IRF2: variants seen among roughly 807,000 people sequenced by gnomAD.
IRF2 encodes the protein interferon regulatory factor 2.
IRF2 carries 15 observed loss-of-function variants against 40.6 expected under a neutral mutation model. The observed-to-expected ratio is 0.37, with a 90% CI of 0.25 to 0.57. IRF2 has a LOEUF of 0.57. IRF2 is among the 20% of genes least tolerant of loss of function. The pLI, the probability that IRF2 is intolerant of heterozygous loss-of-function variation, is 0.77. For missense variants in IRF2, 317 were observed against 455.7 expected (o/e 0.70, Z 2.77); for synonymous variants, 151 against 165.5 (o/e 0.91, Z 0.67).
intron 1 of IRF2, among the ~76,000 whole-genome samples, chr4:184,446,227 T>A (rs1441632974): frequency 6.6e-6 from 1 of 152,110 alleles, no homozygotes; most frequent in Non-Finnish European, 1.5e-5. Flanking sequence ...TGCTTCCCAG[T>A]TTGCGGTAAT....
chr4:184,435,146 G>C (rs1738031743), intron 1 of IRF2, among the ~76,000 whole-genome samples: 1 of 152,196 alleles, frequency 6.6e-6, no homozygotes, highest in African/African-American at 2.4e-5. Context: ...TTTATTACCT[G>C]CTAGTAAGTG....
rs759015052 is a variant in IRF2 at position 184,388,782 on chromosome 4, G to C, written c.1026C>G (p.Thr342=). 4 of 1,612,816 alleles carry C rather than the reference G, an allele frequency of 2.5e-6. No individual in the cohort carries two copies. Among genetic ancestry groups the C allele is most frequent in the Non-Finnish European group, 2.5e-6 (3 of 1,179,956 alleles). The change falls in exon 9 of 9, where the codon ACC becomes ACG. Residue 342 remains threonine (T), a synonymous_variant. Transcript: ENST00000393593. The surrounding 1 kb of genome is among the most constrained non-coding windows in gnomAD (Gnocchi z 4.6). ...ASVIKKTSDI[T]QARVKSC The stretch of plus-strand genomic sequence containing the variant: ...CTTAACAGCTCTTGACGCGGGCCTG[G>C]GTGATATCCGATGTTTTCTTGATGA...
intron 1 of IRF2, among the ~76,000 whole-genome samples, chr4:184,442,760 AG>A (rs1738359473): frequency 6.6e-6 from 1 of 151,812 alleles, no homozygotes; most frequent in Non-Finnish European, 1.5e-5. Flanking sequence ...AGGACCTCCA[AG>A]AAGTACAAAA....
chr4:184,436,582 T>C (rs140162009), intron 1 of IRF2, among the ~76,000 whole-genome samples: 260 of 152,298 alleles, frequency 1.7e-3, no homozygotes, highest in African/African-American at 5.7e-3. Flanking sequence ...AATGGGCATA[T>C]AAGAGAAAGC....
At chr4:184,442,901 T>G (rs988253375) in intron 1 of IRF2, among the ~76,000 whole-genome samples, 178 of 5,344 alleles carry the variant, frequency 0.033, no homozygotes, top group Middle Eastern at 0.17. Context: ...GGGGTGGGGG[T>G]GGTGGGGGCA....
chr4:184,459,763 T>A (rs1170859688), intron 1 of IRF2, among the ~76,000 whole-genome samples: 1 of 152,212 alleles, frequency 6.6e-6, no homozygotes, highest in Non-Finnish European at 1.5e-5. Context: ...ATGCTCAGCA[T>A]CATTAATTAC....
chr4:184,396,483 G>C (rs1482849174), intron 7 of IRF2, among the ~76,000 whole-genome samples: 1 of 150,938 alleles, frequency 6.6e-6, no homozygotes, highest in African/African-American at 2.4e-5. Flanking sequence ...ACCCAGGCTG[G>C]AGTGCAATGG....
At chr4:184,451,366 T>C (rs1255923380) in intron 1 of IRF2, among the ~76,000 whole-genome samples, 1 of 152,172 alleles carries the variant, frequency 6.6e-6, no homozygotes, top group Non-Finnish European at 1.5e-5. Context: ...AGGGAGATAA[T>C]AGTGGTGGTG....
At chr4:184,457,062 G>A (rs1483255739) in intron 1 of IRF2, among the ~76,000 whole-genome samples, 1 of 152,234 alleles carries the variant, frequency 6.6e-6, no homozygotes, top group Admixed American at 6.5e-5. Flanking sequence ...AAGAGTGTGA[G>A]GTGGTTTGGT....
At position 184,460,683 on chromosome 4, in the gene IRF2, ACG is replaced by A. The variant is rs1491581763; in HGVS notation, c.-7+13694_-7+13695del. ...TGCACGCGCACACACACACACATGC[ACG>A]CACACACACACATGCACACGCACAC... is the stretch of plus-strand genomic sequence containing the variant. On this transcript the variant is annotated intron_variant, in intron 1 of 8. Coordinates refer to ENST00000393593, the MANE Select transcript of IRF2 (RefSeq NM_002199.4). Among the ~76,000 whole-genome samples, 12 of 150,896 alleles carry A rather than the reference ACG, an allele frequency of 8.0e-5. No homozygotes were observed. In the East Asian group the frequency reaches 1.6e-3, roughly 20 times the overall value.
chr4:184,418,251 A>G (rs770401242), intron 4 of IRF2, 38 bp from the exon 5 acceptor site: 2 of 1,465,198 alleles, frequency 1.4e-6, no homozygotes, highest in South Asian at 1.1e-5. Context: ...TTAATTCACG[A>G]AGGGCCTCCA....
intron 1 of IRF2, among the ~76,000 whole-genome samples, chr4:184,465,981 G>A (rs956716200): frequency 4.6e-5 from 7 of 151,950 alleles, no homozygotes; most frequent in Middle Eastern, 3.2e-3. Flanking sequence ...GGAGTACTCA[G>A]TGCCCCACTC....
chr4:184,434,135 A>G (rs1046575030), intron 1 of IRF2, among the ~76,000 whole-genome samples: 19 of 152,224 alleles, frequency 1.2e-4, no homozygotes, highest in African/African-American at 4.6e-4. Flanking sequence ...AGCCTCCCAC[A>G]GGCGCTAACA....
rs777119588 is a variant in IRF2 at position 184,410,060 on chromosome 4, G to T, written c.412-1785C>A. Among the ~76,000 whole-genome samples, 11 of 152,102 alleles carry T rather than the reference G, an allele frequency of 7.2e-5. No individual in the cohort carries two copies. The East Asian group carries it at 1.9e-3, about 27-fold the overall frequency. ...TTTCCGGACTTCGCCTCTCCACCTG[G>T]GCCCCCATTAGTTCCTGTGGTCTCG... On this transcript the variant is annotated intron_variant, in intron 5 of 8. Transcript: ENST00000393593.
chr4:184,400,715 G>A (rs966034154), intron 6 of IRF2, among the ~76,000 whole-genome samples: 2 of 152,060 alleles, frequency 1.3e-5, no homozygotes, highest in African/African-American at 2.4e-5. Context: ...CCACAGCCTC[G>A]GCAGCATTTC....
intron 1 of IRF2, among the ~76,000 whole-genome samples, chr4:184,470,689 CAAA>C (rs70959201): frequency 9.1e-5 from 2 of 22,074 alleles, no homozygotes; most frequent in African/African-American, 1.2e-4. Flanking sequence ...GACTCTGCCT[CAAA>C]AAAAAAAAAA....
intron 1 of IRF2, among the ~76,000 whole-genome samples, chr4:184,460,176 T>C (rs1489862720): frequency 6.6e-6 from 1 of 152,222 alleles, no homozygotes; most frequent in Non-Finnish European, 1.5e-5. Flanking sequence ...TGATGCATGC[T>C]ACAACATGGG....
Position 184,398,911 on chromosome 4 carries a change from T to C in IRF2, c.694+4A>G, listed in dbSNP as rs983120470. ...GCCTCCCGGAGCCTCCCGCTGACGC[T>C]TACCTGCATAGGAAGACACGGGGGA... On this transcript the variant is annotated splice_donor_region_variant and intron_variant, in intron 7 of 8. Coordinates refer to ENST00000393593, the MANE Select transcript of IRF2 (RefSeq NM_002199.4). 6.3e-7 allele frequency: 1 copy of C among 1,595,084 alleles called. No homozygotes were observed. The highest frequency in any genetic ancestry group is 1.4e-5 in the African/African-American group (1 of 73,874).
chr4:184,397,026 A>C (rs1012554511), intron 7 of IRF2, among the ~76,000 whole-genome samples: 2 of 152,220 alleles, frequency 1.3e-5, no homozygotes, highest in African/African-American at 4.8e-5. Context: ...TTTGCAAAAC[A>C]TAGTAGTTCT....
Sources: allele counts gnomAD v4.1 joint callset (sites outside exome capture counted in the v4.1 genomes callset), GRCh38; gene constraint gnomAD v4.1.1; non-coding constraint Gnocchi (gnomAD v3.1); transcripts MANE v1.5; gene names NCBI Gene and HGNC (gene_info 2026-07-23, HGNC 2026-07-21).